Variants in IPO8 observed in about 807,000 individuals in gnomAD.
The protein encoded by IPO8 is importin 8, also known as importin-8.
A neutral mutation model predicts 141.2 loss-of-function variants in IPO8; 65 were observed. The ratio of observed to expected loss-of-function variants is 0.46; its 90% confidence interval spans 0.38 to 0.57. IPO8 has a LOEUF of 0.57. Ranked by LOEUF, IPO8 falls within the 20% of genes least tolerant of loss-of-function variation. The probability of loss-of-function intolerance (pLI) is 0.00; values close to 1 mark genes in which losing one functional copy is unlikely to be tolerated. For missense variants in IPO8, 980 were observed against 1,246.8 expected (o/e 0.79, Z 3.22); for synonymous variants, 411 against 420.3 (o/e 0.98, Z 0.27).
At chr12:30,677,786 TACA>T (rs1223569664) in intron 5 of IPO8, among the ~76,000 whole-genome samples, 1 of 152,176 alleles carries the variant, frequency 6.6e-6, no homozygotes, top group East Asian at 1.9e-4. Flanking sequence ...TGTACAGTTG[TACA>T]ACATGTTAAT....
chr12:30,672,876 A>T (rs1484644741), intron 8 of IPO8, among the ~76,000 whole-genome samples: 1 of 152,214 alleles, frequency 6.6e-6, no homozygotes, highest in Non-Finnish European at 1.5e-5. Flanking sequence ...GCAAAATGAT[A>T]ACACATAAAC....
At chr12:30,692,155 T>C (rs1454051064) in intron 1 of IPO8, among the ~76,000 whole-genome samples, 3 of 152,246 alleles carry the variant, frequency 2.0e-5, no homozygotes, top group Non-Finnish European at 4.4e-5. Context: ...CTATATAGTT[T>C]ATTCTAATCA....
intron 20 of IPO8, among the ~76,000 whole-genome samples, chr12:30,641,403 G>A (rs2052572095): frequency 6.6e-6 from 1 of 151,934 alleles, no homozygotes; most frequent in African/African-American, 2.4e-5. Context: ...GGTGGAAGCT[G>A]GACTTCTCTG....
At chr12:30,654,547 A>G (rs531287979) in intron 17 of IPO8, among the ~76,000 whole-genome samples, 1 of 152,210 alleles carries the variant, frequency 6.6e-6, no homozygotes, top group Admixed American at 6.5e-5. Context: ...CCAACTTAAA[A>G]ATGGGCAAAG....
chr12:30,650,389 TTGGAAGC>T (rs1164350508), intron 19 of IPO8, among the ~76,000 whole-genome samples: 1 of 152,058 alleles, frequency 6.6e-6, no homozygotes. Flanking sequence ...AATACACATT[TTGGAAGC>T]TGGAAAATAG....
At position 30,630,190 on chromosome 12, in the gene IPO8, TGA is replaced by T. The variant is rs34994890; in HGVS notation, c.*668_*669del. 0.072 allele frequency: 10,911 copies of T among 151,690 alleles called. 480 individuals carry two copies. The highest frequency in any genetic ancestry group is 0.13 in the South Asian group (601 of 4,796). 9.4% of individuals were successfully genotyped at this position (151,690 alleles called of 1,614,324 possible). On this transcript the variant is annotated 3_prime_UTR_variant, in exon 25 of 25. Coordinates refer to ENST00000256079, the MANE Select transcript of IPO8 (RefSeq NM_006390.4). ...CACCCCTTTTCAAGGCAGAAAAAAA[TGA>T]GAGAAGAGGGAGTAAGACACTTCTT...
At chr12:30,654,633 A>T (rs902888420) in intron 17 of IPO8, among the ~76,000 whole-genome samples, 3 of 152,070 alleles carry the variant, frequency 2.0e-5, no homozygotes, top group Non-Finnish European at 4.4e-5. Flanking sequence ...TAAATCACTA[A>T]TCATCAGGGA....
intron 20 of IPO8, among the ~76,000 whole-genome samples, chr12:30,642,389 A>C (rs2052586731): frequency 6.6e-6 from 1 of 152,116 alleles, no homozygotes; most frequent in Non-Finnish European, 1.5e-5. Flanking sequence ...AGCATCACAC[A>C]ATATATCCAT....
chr12:30,642,560 C>T (rs917486950), intron 20 of IPO8, among the ~76,000 whole-genome samples: 6 of 150,876 alleles, frequency 4.0e-5, no homozygotes, highest in Admixed American at 6.6e-5. Context: ...ATATATATAG[C>T]GACATATTAG....
chr12:30,630,834 C>T lies in IPO8; in HGVS notation c.*26G>A. ...CTTGTGAAATAAAATGCAGCGATGA[C>T]ATTTGGTCAGCTGATGTTCTTTCCT... On this transcript the variant is annotated 3_prime_UTR_variant, in exon 25 of 25. Transcript: ENST00000256079. 2 of 1,553,206 alleles carry T rather than the reference C, an allele frequency of 1.3e-6. No homozygotes were observed. The highest frequency in any genetic ancestry group is 1.7e-5 in the Admixed American group (1 of 59,466).
chr12:30,690,728 A>G (rs188152910), intron 1 of IPO8, 151 bp from the exon 2 acceptor site: 326 of 514,300 alleles, frequency 6.3e-4, no homozygotes, highest in African/African-American at 5.7e-3. Flanking sequence ...GATTACTAAA[A>G]TACTTCAAGT....
In IPO8 at chr12:30,670,987, C is replaced by T. The variant is rs771002318; in HGVS notation, c.1019G>A (p.Trp340Ter). Residue 340 changes from tryptophan (W) to a stop codon, truncating the protein, a stop_gained, in exon 9 of 25, where the codon TGG (tryptophan) becomes TAG (stop). Transcript: ENST00000256079. LOFTEE classifies it high-confidence loss of function. ...CTGTATGTGTGGCTTCATCTGCTTCCAGGTTATAGAATGAACCACCCCTTG... is the reference window on the plus strand; with the variant it reads ...CTGTATGTGTGGCTTCATCTGCTTCTAGGTTATAGAATGAACCACCCCTTG... Reference protein sequence around the residue: ...LNQGVVHSITWKQMKPHIQNI... With the variant: ...LNQGVVHSIT 6.2e-7 allele frequency: 1 copy of T among 1,613,576 alleles called. No individual in the cohort carries two copies. Among genetic ancestry groups the T allele is most frequent in the Admixed American group, 1.7e-5 (1 of 60,014 alleles).
rs545861188 is a variant in IPO8 at position 30,637,202 on chromosome 12, G to GA, written c.2490-16dup. On this transcript the variant is annotated splice_polypyrimidine_tract_variant and intron_variant, in intron 21 of 24. Transcript: ENST00000256079. Reference sequence around the variant, plus strand: ...GGTCATGATGCCTGCAAATTTTGAAGAAAAAAAAAATGTAGACATGAGAAG... The same window carrying GA: ...GGTCATGATGCCTGCAAATTTTGAAGAAAAAAAAAAATGTAGACATGAGAAG... 10,776 of 1,412,534 alleles carry GA rather than the reference G, an allele frequency of 7.6e-3. 1 individual carries two copies. Among genetic ancestry groups the GA allele is most frequent in the Non-Finnish European group, 8.9e-3 (9,287 of 1,048,388 alleles). 87.5% of individuals were successfully genotyped at this position (1,412,534 alleles called of 1,614,324 possible).
chr12:30,671,684 A>G (rs971433330), intron 8 of IPO8, among the ~76,000 whole-genome samples: 1 of 150,654 alleles, frequency 6.6e-6, no homozygotes, highest in Non-Finnish European at 1.5e-5. Context: ...CAAAAAAAAA[A>G]AAAAAAAAAA....
At chr12:30,650,815 A>T (rs568226450) in intron 19 of IPO8, among the ~76,000 whole-genome samples, 1 of 152,204 alleles carries the variant, frequency 6.6e-6, no homozygotes, top group South Asian at 2.1e-4. Flanking sequence ...GCTCCAACAC[A>T]TAGTAGCTAT....
At chr12:30,673,605 T>C (rs544749869) in intron 8 of IPO8, among the ~76,000 whole-genome samples, 2 of 152,336 alleles carry the variant, frequency 1.3e-5, no homozygotes, top group East Asian at 3.9e-4. Context: ...GACCAATTCA[T>C]ATTATATAAG....
chr12:30,662,178 G>A (rs2052896784), intron 15 of IPO8, 149 bp downstream of exon 15: 6 of 616,060 alleles, frequency 9.7e-6, no homozygotes, highest in Non-Finnish European at 1.7e-5. Flanking sequence ...AATCTTAGGA[G>A]TGCACCATCG....
chr12:30,695,688 C>G lies in IPO8; in HGVS notation c.-41G>C. 1.9e-6 allele frequency: 3 copies of G among 1,567,676 alleles called. No individual in the cohort carries two copies. The highest frequency in any genetic ancestry group is 2.6e-6 in the Non-Finnish European group (3 of 1,140,576). On this transcript the variant is annotated 5_prime_UTR_variant, in exon 1 of 25. Coordinates refer to ENST00000256079, the MANE Select transcript of IPO8 (RefSeq NM_006390.4). This position sits in a 1 kb window ranked among gnomAD's most constrained non-coding sequence, Gnocchi z 4.2. ...CTCCGCGGCCCCCGGAACAGTAGGC[C>G]GGACTGCAGCTTTAGTTTTCTTTTG... is the stretch of plus-strand genomic sequence containing the variant.
chr12:30,687,221 A>C (rs1332308504), intron 2 of IPO8, among the ~76,000 whole-genome samples: 1 of 152,230 alleles, frequency 6.6e-6, no homozygotes, highest in Admixed American at 6.5e-5. Flanking sequence ...AATAGATTAA[A>C]TAGAGCAGAA....
Sources: allele counts gnomAD v4.1 joint callset (sites outside exome capture counted in the v4.1 genomes callset), GRCh38; gene constraint gnomAD v4.1.1; non-coding constraint Gnocchi (gnomAD v3.1); transcripts MANE v1.5; gene names NCBI Gene and HGNC (gene_info 2026-07-23, HGNC 2026-07-21).